CUL2: variants seen among roughly 807,000 people sequenced by gnomAD.
CUL2 encodes cullin 2.
In CUL2, 22 loss-of-function variants were observed where a neutral mutation model predicts 110.2. That is an observed-to-expected ratio of 0.20 (90% CI 0.14 to 0.28). The LOEUF is 0.28. CUL2 is among the 10% of genes least tolerant of loss of function. The probability of loss-of-function intolerance (pLI) is 1.00; values close to 1 mark genes in which losing one functional copy is unlikely to be tolerated. For missense variants in CUL2, 631 were observed against 905.5 expected (o/e 0.70, Z 3.89); for synonymous variants, 279 against 293.2 (o/e 0.95, Z 0.49).
chr10:35,035,376 TACAATATACGGATCCAAGTGCAGAGC>T, intron 9 of CUL2, 80 bp from the exon 10 acceptor site: 1 of 1,489,576 alleles, frequency 6.7e-7, no homozygotes, highest in Non-Finnish European at 9.2e-7. Flanking sequence ...AGTGCAGGAG[TACAATATACGGATCCAAGTGCAGAGC>T]ACCCAGAGAA....
At chr10:35,032,411 CT>C in intron 12 of CUL2, 23 bp downstream of exon 12, 3 of 1,574,272 alleles carry the variant, frequency 1.9e-6, no homozygotes, top group Admixed American at 2.0e-5. Flanking sequence ...CATAAGATTA[CT>C]TTTCAGCAAC....
rs141735406 is a variant in CUL2 at position 35,046,854 on chromosome 10, C to T, written c.507-1986G>A. ...GTTACAGTGAGCCAAGATCGTGCCACGGCATTCTAGCCTGGGCAACAGAGT... is the reference window on the plus strand; with the variant it reads ...GTTACAGTGAGCCAAGATCGTGCCATGGCATTCTAGCCTGGGCAACAGAGT... On this transcript the variant is annotated intron_variant, in intron 6 of 20. Coordinates refer to ENST00000374749, the MANE Select transcript of CUL2 (RefSeq NM_003591.4). Among the ~76,000 whole-genome samples the T allele has an allele frequency of 8.0e-3, 1,214 of 152,076 alleles. 20 individuals are homozygous for T. The highest frequency in any genetic ancestry group is 0.027 in the African/African-American group (1,132 of 41,478).
intron 1 of CUL2, among the ~76,000 whole-genome samples, chr10:35,078,479 T>C (rs921917732): frequency 6.6e-6 from 1 of 152,002 alleles, no homozygotes; most frequent in Admixed American, 6.6e-5. Flanking sequence ...ATTTTTTTTT[T>C]TAGTAGAGAC....
intron 16 of CUL2, among the ~76,000 whole-genome samples, chr10:35,026,894 T>C (rs1329010671): frequency 6.6e-6 from 1 of 152,132 alleles, no homozygotes; most frequent in Non-Finnish European, 1.5e-5. Flanking sequence ...GCAGGTTAGT[T>C]ACATATGCAT....
At chr10:35,061,494 A>C (rs1169010719) in intron 3 of CUL2, among the ~76,000 whole-genome samples, 1 of 151,908 alleles carries the variant, frequency 6.6e-6, no homozygotes, top group Non-Finnish European at 1.5e-5. Context: ...CTTATAATGT[A>C]ACCTAAAATA....
intron 8 of CUL2, among the ~76,000 whole-genome samples, chr10:35,040,724 A>G (rs2134776633): frequency 6.6e-6 from 1 of 152,272 alleles, no homozygotes; most frequent in African/African-American, 2.4e-5. Flanking sequence ...TTTTCCACAG[A>G]CGGAGTGCGG....
intron 20 of CUL2, among the ~76,000 whole-genome samples, chr10:35,011,211 ATTTTTTTTTT>A (rs5784437): frequency 7.5e-6 from 1 of 133,718 alleles, no homozygotes; most frequent in Non-Finnish European, 1.6e-5. Flanking sequence ...TAATTTTTTA[ATTTTTTTTTT>A]TTTTTTTTTT....
At chr10:35,126,129 TAA>T (rs79523600) in intron 1 of CUL2, among the ~76,000 whole-genome samples, 9 of 142,318 alleles carry the variant, frequency 6.3e-5, no homozygotes, top group Admixed American at 7.0e-5. Context: ...CTTTCTAATC[TAA>T]AAAAAAAAAA....
chr10:35,101,350 T>C (rs1482158494), intron 1 of CUL2, among the ~76,000 whole-genome samples: 2 of 152,152 alleles, frequency 1.3e-5, no homozygotes, highest in African/African-American at 2.4e-5. Context: ...GGGTCTACCA[T>C]TGTAGAAAAT....
upstream of CUL2, among the ~76,000 whole-genome samples, chr10:35,094,209 T>C (rs2087258586): frequency 6.6e-6 from 1 of 151,776 alleles, no homozygotes; most frequent in Non-Finnish European, 1.5e-5. Flanking sequence ...ATAACCCACA[T>C]GAACATAAGC....
Position 35,023,550 on chromosome 10 carries a change from TA to T in CUL2, c.1684+1581del, listed in dbSNP as rs573888199. Among the ~76,000 whole-genome samples the T allele has an allele frequency of 4.9e-4, 74 of 152,280 alleles. 1 individual carries two copies. In the South Asian group the frequency reaches 0.014, roughly 28 times the overall value. ...TATTTTCAAACTAAATTCCAATGGC[TA>T]AAAAACTATGTGCATAAATTTATTT... is the stretch of plus-strand genomic sequence containing the variant. On this transcript the variant is annotated intron_variant, in intron 17 of 20. Transcript: ENST00000374749.
intron 1 of CUL2, among the ~76,000 whole-genome samples, chr10:35,119,150 G>A (rs569432319): frequency 2.0e-5 from 3 of 152,262 alleles, no homozygotes; most frequent in South Asian, 2.1e-4. Context: ...CATAGCAGCC[G>A]AACAAATAAC....
chr10:35,109,091 T>C (rs1282565833), intron 1 of CUL2, among the ~76,000 whole-genome samples: 1 of 152,078 alleles, frequency 6.6e-6, no homozygotes, highest in Admixed American at 6.6e-5. Flanking sequence ...TGCACACCTA[T>C]AGTTCCAGCT....
chr10:35,086,188 CA>C (rs1025342117), intron 1 of CUL2, among the ~76,000 whole-genome samples: 189 of 133,566 alleles, frequency 1.4e-3, no homozygotes, highest in Admixed American at 1.5e-3. Context: ...GACTCTGTCT[CA>C]AAAAAAAAAA....
intron 17 of CUL2, among the ~76,000 whole-genome samples, chr10:35,017,966 G>A (rs966340106): frequency 2.6e-5 from 4 of 151,644 alleles, no homozygotes; most frequent in African/African-American, 9.7e-5. Context: ...ACACACACAC[G>A]GCCTGCATTA....
chr10:35,065,260 G>T (rs909784854), intron 2 of CUL2, among the ~76,000 whole-genome samples: 13 of 152,170 alleles, frequency 8.5e-5, no homozygotes, highest in African/African-American at 2.7e-4. Flanking sequence ...AAAAATGTTG[G>T]CTGGGCATGA....
At chr10:35,033,587 A>G (rs993913358) in intron 10 of CUL2, among the ~76,000 whole-genome samples, 3 of 151,938 alleles carry the variant, frequency 2.0e-5, no homozygotes, top group African/African-American at 7.3e-5. Flanking sequence ...ATACAAAAAA[A>G]TTAGCCAGAC....
chr10:35,047,897 T>C (rs1210370575), intron 6 of CUL2, among the ~76,000 whole-genome samples: 2 of 151,232 alleles, frequency 1.3e-5, no homozygotes, highest in African/African-American at 2.4e-5. Context: ...AGAGTGGGAA[T>C]CCTGTCTCAA....
chr10:35,084,780 A>G (rs1004853913), intron 1 of CUL2, among the ~76,000 whole-genome samples: 9 of 152,176 alleles, frequency 5.9e-5, no homozygotes, highest in African/African-American at 1.9e-4. Flanking sequence ...AAGTCCTCAT[A>G]ATATTAAGAT....
Sources: allele counts gnomAD v4.1 joint callset (sites outside exome capture counted in the v4.1 genomes callset), GRCh38; gene constraint gnomAD v4.1.1; transcripts MANE v1.5; gene names NCBI Gene and HGNC (gene_info 2026-07-23, HGNC 2026-07-21).